The following SCGB1D4 variants were observed in gnomAD, a reference collection of about 807,000 sequenced individuals.
SCGB1D4 encodes the protein IFN-gamma inducible SCGB (IIS).
In SCGB1D4, 6 loss-of-function variants were observed where a neutral mutation model predicts 8.1. The observed-to-expected ratio is 0.74, with a 90% CI of 0.40 to 1.45. SCGB1D4 has a LOEUF of 1.45. SCGB1D4 is among the 40% of genes most tolerant of loss of function. The pLI, the probability that SCGB1D4 is intolerant of heterozygous loss-of-function variation, is 0.02. For synonymous variants in SCGB1D4, 34 were observed against 38.1 expected (o/e 0.89, Z 0.39); for missense variants, 93 against 95.0 (o/e 0.98, Z 0.09).
chr11:62,298,619 GTGGTGGC>G (rs769276408), intron 1 of SCGB1D4, among the ~76,000 whole-genome samples: 46 of 152,060 alleles, frequency 3.0e-4, no homozygotes, highest in Non-Finnish European at 5.7e-4. Context: ...TTAGCCAGCT[GTGGTGGC>G]CCATGCCTGT....
chr11:62,297,364 C>A, intron 2 of SCGB1D4, 108 bp downstream of exon 2: 1 of 908,168 alleles, frequency 1.1e-6, no homozygotes, highest in South Asian at 1.6e-5. Flanking sequence ...ATGTCCTCAG[C>A]ACACTCTGGG....
chr11:62,298,972 G>C lies in SCGB1D4; in HGVS notation c.39C>G (p.Ala13=), dbSNP rs779261188. ...LSVCLLMVSL[A]LCCYQAHALV... ...TGTACTCACCCTGGTAGCAGCAAAG[G>C]GCCAGCGAGACCATCAGGAGACACA... The change falls in exon 1 of 3, where the codon GCC becomes GCG. Residue 13 remains alanine, a synonymous_variant. Transcript: ENST00000358585. 5.0e-6 allele frequency: 8 copies of C among 1,613,820 alleles called. No homozygotes were observed. In the African/African-American group the frequency reaches 5.3e-5, roughly 11 times the overall value.
Position 62,297,660 on chromosome 11 carries a change from T to G in SCGB1D4, c.56-2A>C. 4.4e-6 allele frequency: 7 copies of G among 1,607,684 alleles called. No homozygotes were observed. Among genetic ancestry groups the G allele is most frequent in the Non-Finnish European group, 5.9e-6 (7 of 1,177,850 alleles). ...CAGCTGGGCAGACAAGAGCATGGGC[T>G]GCAGCACAAAAATAAAAATATTGTT... On this transcript the variant is annotated splice_acceptor_variant, in intron 1 of 2. Coordinates refer to ENST00000358585, the MANE Select transcript of SCGB1D4 (RefSeq NM_206998.2). LOFTEE classifies it high-confidence loss of function.
intron 1 of SCGB1D4, among the ~76,000 whole-genome samples, chr11:62,298,373 C>T (rs950225259): frequency 6.6e-6 from 1 of 152,172 alleles, no homozygotes; most frequent in African/African-American, 2.4e-5. Flanking sequence ...ACACAGATCC[C>T]ATTCAGAAGT....
Position 62,297,590 on chromosome 11 carries a change from C to T in SCGB1D4, c.124G>A (p.Val42Ile). The T allele has an allele frequency of 1.2e-6, 2 of 1,609,774 alleles. No homozygotes were observed. The highest frequency in any genetic ancestry group is 1.7e-4 in the Middle Eastern group (1 of 6,038). The change falls in exon 2 of 3, where the codon GTA becomes ATA. Residue 42 changes from valine to isoleucine, a missense_variant. Transcript: ENST00000358585. ...TTAAGTTTGGCAACTTGGAGGTTTA[C>T]CGCAGCGTCACTTAAGAATAAGAAG... The part of the protein sequence containing the change: ...TVFLFLSDAA[V>I]NLQVAKLNPP...
chr11:62,297,520 C>T lies in SCGB1D4; in HGVS notation c.194G>A (p.Cys65Tyr), dbSNP rs143993192. 3.2e-5 allele frequency: 52 copies of T among 1,613,976 alleles called. No homozygotes were observed. Among genetic ancestry groups the T allele is most frequent in the Non-Finnish European group, 4.3e-5 (51 of 1,179,966 alleles). The change falls in exon 2 of 3, where the codon TGC (cysteine) becomes TAC (tyrosine). Residue 65 changes from cysteine (C) to tyrosine (Y), a missense_variant. By Grantham distance (194) the Cys-to-Tyr change is radical. Coordinates refer to ENST00000358585, the MANE Select transcript of SCGB1D4 (RefSeq NM_206998.2). ...TTTCTTAAAAGATATCTGATCGGTG[C>T]AGTGCTTCACTTCCAACTTGGCTGC... ...ALAAKLEVKH[C>Y]TDQISFKKRL...
Position 62,296,293 on chromosome 11 carries a change from G to T in SCGB1D4, c.*117C>A. 1 of 918,284 alleles carries T rather than the reference G, an allele frequency of 1.1e-6. No homozygotes were observed. The highest frequency in any genetic ancestry group is 1.8e-6 in the Non-Finnish European group (1 of 551,106). 56.9% of individuals were successfully genotyped at this position (918,284 alleles called of 1,614,324 possible). On this transcript the variant is annotated 3_prime_UTR_variant, in exon 3 of 3. Transcript: ENST00000358585. The stretch of plus-strand genomic sequence containing the variant: ...ACCAGTGGAGATGTGCAGGGCAAGT[G>T]ATTTATTAAAGCAACGTGTTGAAAC...
intron 2 of SCGB1D4, among the ~76,000 whole-genome samples, chr11:62,296,903 T>C (rs1565139294): frequency 1.3e-5 from 2 of 152,088 alleles, no homozygotes; most frequent in Non-Finnish European, 2.9e-5. Flanking sequence ...CTTCTATGGG[T>C]ATTTGCAGCC....
chr11:62,296,522 A>G (rs999391512), intron 2 of SCGB1D4, 103 bp from the exon 3 acceptor site: 10 of 1,223,538 alleles, frequency 8.2e-6, no homozygotes, highest in Admixed American at 2.0e-5. Flanking sequence ...TTTTGCCCCA[A>G]TGGCAATTGG....
chr11:62,296,306 A>G lies in SCGB1D4; in HGVS notation c.*104T>C. The G allele has an allele frequency of 1.0e-6, 1 of 990,034 alleles. No individual in the cohort carries two copies. The highest frequency in any genetic ancestry group is 1.6e-6 in the Non-Finnish European group (1 of 614,910). The allele number at this position is 990,034 out of a possible 1,614,324, so 61.3% of individuals were successfully genotyped here. On this transcript the variant is annotated 3_prime_UTR_variant, in exon 3 of 3. Coordinates refer to ENST00000358585, the MANE Select transcript of SCGB1D4 (RefSeq NM_206998.2). ...TGCAGGGCAAGTGATTTATTAAAGC[A>G]ACGTGTTGAAACCTTTACAATTTTT... is the stretch of plus-strand genomic sequence containing the variant.
chr11:62,296,550 T>A lies in SCGB1D4; in HGVS notation c.243-131A>T, dbSNP rs1349487114. 1.3e-5 allele frequency: 12 copies of A among 908,962 alleles called. No homozygotes were observed. The East Asian group carries it at 3.1e-4, about 23-fold the overall frequency. The allele number at this position is 908,962 out of a possible 1,614,324, so 56.3% of individuals were successfully genotyped here. A position where few individuals can be genotyped will look rare whatever the true frequency, so the allele number is the denominator to read the frequency against. On this transcript the variant is annotated intron_variant, in intron 2 of 2. Coordinates refer to ENST00000358585, the MANE Select transcript of SCGB1D4 (RefSeq NM_206998.2). ...GCAATTGGAAAGGCAGAGGCAAGAA[T>A]TCAGTTTGGGAAACTGAGGCCTAGA...
Position 62,297,474 on chromosome 11 carries a change from G to A in SCGB1D4, c.240C>T (p.Ser80=), listed in dbSNP as rs775642196. 6.2e-7 allele frequency: 1 copy of A among 1,609,970 alleles called. No homozygotes were observed. Among genetic ancestry groups the A allele is most frequent in the Non-Finnish European group, 8.5e-7 (1 of 1,177,342 alleles). Reference sequence around the variant, plus strand: ...TGCATAAAGGAGAAAGAAATTACCAGGACTTTTTCAATGAGAGTCGTTTCT... The same window carrying A: ...TGCATAAAGGAGAAAGAAATTACCAAGACTTTTTCAATGAGAGTCGTTTCT... The part of the protein sequence containing the change: ...SFKKRLSLKK[S]WWK Residue 80 remains serine (S), a splice_region_variant and synonymous_variant, in exon 2 of 3, where the codon TCC becomes TCT. Transcript: ENST00000358585.
rs1007793657 is a variant in SCGB1D4, at chr11:62,296,335, G to A, written c.*75C>T. ...TGTTGAAACCTTTACAATTTTTAGT[G>A]AAGATCAGGGTGTCGTTGAAAGACT... On this transcript the variant is annotated 3_prime_UTR_variant, in exon 3 of 3. Transcript: ENST00000358585. The A allele has an allele frequency of 1.4e-5, 19 of 1,312,762 alleles. No homozygotes were observed. In the Admixed American group the frequency reaches 3.3e-4, roughly 23 times the overall value. 81.3% of individuals were successfully genotyped at this position (1,312,762 alleles called of 1,614,324 possible).
intron 2 of SCGB1D4, 72 bp downstream of exon 2, chr11:62,297,400 G>A: frequency 4.1e-6 from 5 of 1,216,602 alleles, no homozygotes; most frequent in Non-Finnish European, 5.9e-6. Flanking sequence ...CAGGTGACCT[G>A]ACAAGAAACA....
chr11:62,297,688 T>C (rs2134521517), intron 1 of SCGB1D4, 30 bp from the exon 2 acceptor site: 2 of 1,598,664 alleles, frequency 1.3e-6, no homozygotes, highest in East Asian at 2.2e-5. Flanking sequence ...ATATTGTTGA[T>C]GTTAGGAAAG....
At position 62,297,681 on chromosome 11, in the gene SCGB1D4, T is replaced by C. The variant is rs774722615; in HGVS notation, c.56-23A>G. The C allele has an allele frequency of 2.7e-5, 43 of 1,603,540 alleles. No individual in the cohort carries two copies. In the Admixed American group the frequency reaches 3.2e-4, roughly 12 times the overall value. Reference sequence around the variant, plus strand: ...GGGCTGCAGCACAAAAATAAAAATATTGTTGATGTTAGGAAAGTCGATTTT... The same window carrying C: ...GGGCTGCAGCACAAAAATAAAAATACTGTTGATGTTAGGAAAGTCGATTTT... On this transcript the variant is annotated intron_variant, in intron 1 of 2. Transcript: ENST00000358585.
rs770964881 is a variant in SCGB1D4, at chr11:62,297,452, A to G, written c.242+20T>C. ...CAGCTGAGTTGAATTCTGCCTCTGC[A>G]TAAAGGAGAAAGAAATTACCAGGAC... On this transcript the variant is annotated intron_variant, in intron 2 of 2. Coordinates refer to ENST00000358585, the MANE Select transcript of SCGB1D4 (RefSeq NM_206998.2). The G allele has an allele frequency of 3.8e-6, 6 of 1,592,730 alleles. No individual in the cohort carries two copies. The highest frequency in any genetic ancestry group is 4.3e-6 in the Non-Finnish European group (5 of 1,162,746).
chr11:62,298,916 T>A (rs762463153), intron 1 of SCGB1D4, 40 bp downstream of exon 1: 8 of 1,604,242 alleles, frequency 5.0e-6, no homozygotes, highest in Non-Finnish European at 6.8e-6. Context: ...AGAGGGTGCA[T>A]CCCAGGGGCT....
rs377708746 is a variant in SCGB1D4, at chr11:62,298,978, C to T, written c.33G>A (p.Ser11=). 6.2e-6 allele frequency: 10 copies of T among 1,613,756 alleles called. No individual in the cohort carries two copies. The highest frequency in any genetic ancestry group is 2.2e-5 in the South Asian group (2 of 91,036). The stretch of plus-strand genomic sequence containing the variant: ...CACCCTGGTAGCAGCAAAGGGCCAG[C>T]GAGACCATCAGGAGACACACTGACA... MRLSVCLLMV[S]LALCCYQAHA... Residue 11 remains serine, a synonymous_variant, in exon 1 of 3, where the codon TCG becomes TCA. Coordinates refer to ENST00000358585, the MANE Select transcript of SCGB1D4 (RefSeq NM_206998.2).
Sources: allele counts gnomAD v4.1 joint callset (sites outside exome capture counted in the v4.1 genomes callset), GRCh38; gene constraint gnomAD v4.1.1; transcripts MANE v1.5; gene names NCBI Gene and HGNC (gene_info 2026-07-23, HGNC 2026-07-21).